Variants in KDSR observed in about 807,000 individuals in gnomAD.
KDSR encodes the protein 3-ketodihydrosphingosine reductase, also known as 3-dehydrosphinganine reductase.
A neutral mutation model predicts 41.3 loss-of-function variants in KDSR; 23 were observed. The ratio of observed to expected loss-of-function variants is 0.56; its 90% CI spans 0.40 to 0.79. The LOEUF (loss-of-function observed/expected upper bound fraction) is 0.79, where lower values mean the gene tolerates loss of function less well. Ranked by LOEUF, KDSR falls within the 30% of genes least tolerant of loss-of-function variation. KDSR has a pLI of 0.00. For synonymous variants in KDSR, 138 were observed against 151.7 expected, an observed-to-expected ratio of 0.91 and a Z score of 0.66; for missense variants, 351 against 416.8, an observed-to-expected ratio of 0.84 and a Z score of 1.37.
intron 5 of KDSR, among the ~76,000 whole-genome samples, chr18:63,354,417 C>T (rs1337582915): frequency 6.6e-6 from 1 of 152,222 alleles, no homozygotes; most frequent in Non-Finnish European, 1.5e-5. Context: ...CCTGTACTCC[C>T]AGCACTTTGG....
chr18:63,327,966 G>A lies in KDSR; in HGVS notation c.*3816C>T, dbSNP rs1349608568. 4.9e-6 allele frequency: 1 copy of A among 202,804 alleles called. No individual in the cohort carries two copies. Among genetic ancestry groups the A allele is most frequent in the Non-Finnish European group, 1.0e-5 (1 of 98,934 alleles). The allele number at this position is 202,804 out of a possible 1,614,324, so 12.6% of individuals were successfully genotyped here. A position where few individuals can be genotyped will look rare whatever the true frequency, so the allele number is the denominator to read the frequency against. On this transcript the variant is annotated 3_prime_UTR_variant, in exon 10 of 10. Coordinates refer to ENST00000645214, the MANE Select transcript of KDSR (RefSeq NM_002035.4). ...TCAAAATTGCAAATCCACAGTTACT[G>A]CACTGAAGTATAATCCGAAGAGCAA...
chr18:63,343,286 C>T (rs377501043), intron 7 of KDSR, among the ~76,000 whole-genome samples: 20 of 151,804 alleles, frequency 1.3e-4, no homozygotes, highest in East Asian at 1.2e-3. Flanking sequence ...TCTCGAACTC[C>T]TGGGCTCAAT....
At chr18:63,342,642 C>A (rs1484062313) in intron 7 of KDSR, among the ~76,000 whole-genome samples, 4 of 152,082 alleles carry the variant, frequency 2.6e-5, no homozygotes, top group Admixed American at 2.0e-4. Flanking sequence ...GAGCACTAAA[C>A]CTGATTTAAC....
chr18:63,340,292 C>T (rs1011453838), intron 7 of KDSR, among the ~76,000 whole-genome samples: 34 of 152,180 alleles, frequency 2.2e-4, no homozygotes, highest in African/African-American at 7.7e-4. Context: ...TAAGACAGGA[C>T]ATTTGGCTTA....
chr18:63,339,059 G>A (rs2236719), intron 7 of KDSR, among the ~76,000 whole-genome samples, 176 bp from the exon 8 acceptor site: 48,178 of 152,148 alleles, frequency 0.32, 9,593 homozygotes, highest in Non-Finnish European at 0.44. Flanking sequence ...TAGTTACTAC[G>A]TAAAATTCTA....
chr18:63,366,417 AC>A (rs1915138522), intron 1 of KDSR: 1 of 152,386 alleles, frequency 6.6e-6, no homozygotes, highest in Non-Finnish European at 1.5e-5. Flanking sequence ...CTAAGCCACC[AC>A]CGCCAGCCCG....
In KDSR at chr18:63,331,861, T is replaced by A. The variant is rs1385747225; in HGVS notation, c.920A>T (p.Tyr307Phe). ...AACTATGCTGTCAAAACTTCCAAGG[T>A]AAAACAAAGCAATAGTGCGGAAAAG... is the stretch of plus-strand genomic sequence containing the variant. ...MGLFRTIALF[Y>F]LGSFDSIVRR... The change falls in exon 10 of 10, where the codon TAC becomes TTC. Residue 307 changes from tyrosine to phenylalanine, a missense_variant. Coordinates refer to ENST00000645214, the MANE Select transcript of KDSR (RefSeq NM_002035.4). The A allele has an allele frequency of 6.2e-7, 1 of 1,613,754 alleles. No individual in the cohort carries two copies. Among genetic ancestry groups the A allele is most frequent in the Admixed American group, 1.7e-5 (1 of 59,976 alleles).
rs1913913846 is a variant in KDSR at position 63,329,606 on chromosome 18, T to C, written c.*2176A>G. On this transcript the variant is annotated 3_prime_UTR_variant, in exon 10 of 10. Transcript: ENST00000645214. ...GTGGAAATTGGGATAGGGACAATTG[T>C]CTTCTACCGCAAAACAGGGGCTCTC... 2 of 201,578 alleles carry C rather than the reference T, an allele frequency of 9.9e-6. No individual in the cohort carries two copies. Among genetic ancestry groups the C allele is most frequent in the South Asian group, 3.8e-4 (2 of 5,222 alleles). 12.5% of individuals were successfully genotyped at this position (201,578 alleles called of 1,614,324 possible). A position where few individuals can be genotyped will look rare whatever the true frequency, so the allele number is the denominator to read the frequency against.
rs1913954510 is a variant in KDSR at position 63,330,776 on chromosome 18, T to C, written c.*1006A>G. On this transcript the variant is annotated 3_prime_UTR_variant, in exon 10 of 10. Transcript: ENST00000645214. ...TTAATTCATGAGTTAAGTTAAAAAG[T>C]CAAGTCGAAAATTTTAGCTGGTCTT... is the stretch of plus-strand genomic sequence containing the variant. 4.4e-6 allele frequency: 1 copy of C among 229,352 alleles called. No individual in the cohort carries two copies. Among genetic ancestry groups the C allele is most frequent in the Admixed American group, 5.7e-5 (1 of 17,628 alleles). The allele number at this position is 229,352 out of a possible 1,614,324, so 14.2% of individuals were successfully genotyped here. A position where few individuals can be genotyped will look rare whatever the true frequency, so the allele number is the denominator to read the frequency against.
At chr18:63,333,103 C>CT (rs1914059797) in intron 9 of KDSR, among the ~76,000 whole-genome samples, 1 of 151,566 alleles carries the variant, frequency 6.6e-6, no homozygotes, top group Admixed American at 6.6e-5. Context: ...TTTTTAAATC[C>CT]TTTTTAGAGA....
At chr18:63,363,912 T>C (rs1201718227) in intron 1 of KDSR, among the ~76,000 whole-genome samples, 1 of 152,168 alleles carries the variant, frequency 6.6e-6, no homozygotes, top group Non-Finnish European at 1.5e-5. Context: ...TGTTAGGATT[T>C]TAACATCATT....
At chr18:63,362,242 C>G (rs568830323) in intron 2 of KDSR, among the ~76,000 whole-genome samples, 41 of 152,160 alleles carry the variant, frequency 2.7e-4, no homozygotes, top group Non-Finnish European at 5.4e-4. Context: ...AAAAACAAAC[C>G]CTGACAAAAA....
At chr18:63,344,520 T>A in intron 6 of KDSR, 27 bp from the exon 7 acceptor site, 1 of 1,551,888 alleles carries the variant, frequency 6.4e-7, no homozygotes, top group Non-Finnish European at 8.9e-7. Context: ...CACGTGTACC[T>A]TCAGTAAACA....
Position 63,362,786 on chromosome 18 carries a change from C to T in KDSR, c.191G>A (p.Arg64Gln). ...KQGAFITLVA[R>Q]NEDKLLQAKK... ...TGAACCTAGAAGCCTTACCTCATTTCGTGCAACCAGAGTTATAAAAGCTCC... is the reference window on the plus strand; with the variant it reads ...TGAACCTAGAAGCCTTACCTCATTTTGTGCAACCAGAGTTATAAAAGCTCC... Residue 64 changes from arginine to glutamine, a missense_variant, in exon 2 of 10, where the codon CGA (arginine) becomes CAA (glutamine). Coordinates refer to ENST00000645214, the MANE Select transcript of KDSR (RefSeq NM_002035.4). 1.9e-6 allele frequency: 3 copies of T among 1,609,720 alleles called. No individual in the cohort carries two copies. Among genetic ancestry groups the T allele is most frequent in the Non-Finnish European group, 2.6e-6 (3 of 1,176,318 alleles).
intron 3 of KDSR, chr18:63,359,500 T>C (rs921040521): frequency 1.2e-4 from 49 of 403,220 alleles, no homozygotes; most frequent in Admixed American, 2.8e-4. Context: ...ATGAAATTAT[T>C]TGCCAGTAAA....
rs570519022 is a variant in KDSR at position 63,331,189 on chromosome 18, A to G, written c.*593T>C. 4 of 233,234 alleles carry G rather than the reference A, an allele frequency of 1.7e-5. No individual in the cohort carries two copies. Among genetic ancestry groups the G allele is most frequent in the Admixed American group, 1.7e-4 (3 of 17,764 alleles). 14.4% of individuals were successfully genotyped at this position (233,234 alleles called of 1,614,324 possible). A position where few individuals can be genotyped will look rare whatever the true frequency, so the allele number is the denominator to read the frequency against. On this transcript the variant is annotated 3_prime_UTR_variant, in exon 10 of 10. Coordinates refer to ENST00000645214, the MANE Select transcript of KDSR (RefSeq NM_002035.4). Reference sequence around the variant, plus strand: ...CAGCAGCAGAGTGAGTCCTGAGCACAACACAGGGCTGTCAGTGACATTCAG... The same window carrying G: ...CAGCAGCAGAGTGAGTCCTGAGCACGACACAGGGCTGTCAGTGACATTCAG...
At chr18:63,337,101 TATATATATGTGA>T (rs1160942917) in intron 8 of KDSR, among the ~76,000 whole-genome samples, 967 of 43,290 alleles carry the variant, frequency 0.022, 45 homozygotes, top group Non-Finnish European at 0.033. Context: ...ACTTTATATA[TATATATATGTGA>T]ATATATATAT....
intron 3 of KDSR, chr18:63,359,447 C>A: frequency 7.2e-6 from 2 of 277,096 alleles, no homozygotes; most frequent in Non-Finnish European, 1.4e-5. Context: ...ATATTCCTTT[C>A]CTCTTAAGCA....
chr18:63,337,991 C>T (rs1045962108), intron 8 of KDSR, among the ~76,000 whole-genome samples: 1 of 152,168 alleles, frequency 6.6e-6, no homozygotes, highest in Non-Finnish European at 1.5e-5. Context: ...TTGCTTTGAC[C>T]CGAGATAAGC....
Sources: gnomAD v4.1 joint callset for allele counts (sites outside exome capture counted in the v4.1 genomes callset) on GRCh38, gnomAD v4.1.1 for gene constraint, MANE v1.5 for transcripts, NCBI Gene and HGNC (gene_info 2026-07-23, HGNC 2026-07-21) for gene names.